FAT1: variants seen among roughly 807,000 people sequenced by gnomAD.
FAT1 encodes the protein protocadherin Fat 1.
FAT1 carries 171 observed loss-of-function variants against 329.8 expected under a neutral mutation model. The ratio of observed to expected loss-of-function variants is 0.52; its 90% CI spans 0.46 to 0.59. The LOEUF (loss-of-function observed/expected upper bound fraction) is 0.59. FAT1 is among the 20% of genes least tolerant of loss of function. The pLI is 0.00. For synonymous variants in FAT1, 2,233 were observed against 2,228.6 expected (o/e 1.00, Z -0.06); for missense variants, 5,672 against 5,774.4 (o/e 0.98, Z 0.57).
intron 2 of FAT1, among the ~76,000 whole-genome samples, chr4:186,694,877 G>A (rs900114728): frequency 1.3e-5 from 2 of 152,164 alleles, no homozygotes; most frequent in African/African-American, 4.8e-5. Flanking sequence ...CAGAAGAATC[G>A]CTTGAACCCA....
intron 16 of FAT1, among the ~76,000 whole-genome samples, chr4:186,607,178 A>G (rs990339878): frequency 2.6e-5 from 4 of 152,196 alleles, no homozygotes; most frequent in African/African-American, 9.7e-5. Context: ...TTAATCTTAG[A>G]TACACCCATT....
chr4:186,597,558 G>A (rs1214608713), intron 24 of FAT1, 124 bp downstream of exon 24: 22 of 667,810 alleles, frequency 3.3e-5, no homozygotes, highest in Middle Eastern at 5.0e-4. Context: ...TATATAAGGG[G>A]CCAATATGAG....
intron 2 of FAT1, among the ~76,000 whole-genome samples, chr4:186,689,983 T>C (rs1303487891): frequency 6.6e-6 from 1 of 152,202 alleles, no homozygotes; most frequent in Admixed American, 6.5e-5. Flanking sequence ...GTAACTTTCC[T>C]ATCATTTTTT....
At chr4:186,604,598 T>C (rs372208908) in intron 17 of FAT1, 24 bp from the exon 18 acceptor site, 41 of 1,553,942 alleles carry the variant, frequency 2.6e-5, no homozygotes, top group Middle Eastern at 1.8e-4. Context: ...GAAACAAAAT[T>C]AAACAAAAAT....
At chr4:186,662,640 A>G (rs1742233419) in intron 3 of FAT1, among the ~76,000 whole-genome samples, 2 of 152,190 alleles carry the variant, frequency 1.3e-5, no homozygotes, top group African/African-American at 4.8e-5. Flanking sequence ...AATACTCTTT[A>G]CAAAAAGCCG....
At chr4:186,594,353 G>A (rs777491383) in intron 26 of FAT1, among the ~76,000 whole-genome samples, 135 of 151,942 alleles carry the variant, frequency 8.9e-4, no homozygotes, top group Non-Finnish European at 1.4e-3. Context: ...GAGCCACTGC[G>A]CCCGGCCACC....
chr4:186,637,954 C>T (rs1271634500), intron 4 of FAT1, among the ~76,000 whole-genome samples: 1 of 152,226 alleles, frequency 6.6e-6, no homozygotes, highest in Non-Finnish European at 1.5e-5. Flanking sequence ...ACTCTCGAAA[C>T]ATTTCCTTTT....
chr4:186,686,970 A>G (rs1394958500), intron 2 of FAT1, among the ~76,000 whole-genome samples: 1 of 152,236 alleles, frequency 6.6e-6, no homozygotes, highest in Non-Finnish European at 1.5e-5. Flanking sequence ...TGATTTTACG[A>G]AGTAGCATCT....
At chr4:186,698,098 T>TA (rs1337193364) in intron 2 of FAT1, among the ~76,000 whole-genome samples, 1 of 152,194 alleles carries the variant, frequency 6.6e-6, no homozygotes, top group African/African-American at 2.4e-5. Context: ...TACTGTGTGT[T>TA]ACAATCTATT....
intron 3 of FAT1, among the ~76,000 whole-genome samples, chr4:186,647,635 C>G (rs953958970): frequency 7.2e-5 from 11 of 152,156 alleles, no homozygotes; most frequent in Non-Finnish European, 1.5e-4. Flanking sequence ...TTGTATTAAT[C>G]ATAGCATTAT....
At position 186,596,658 on chromosome 4, in the gene FAT1, C is replaced by A. The variant is rs762456980; in HGVS notation, c.12882G>T (p.Gly4294=). The A allele has an allele frequency of 1.2e-6, 2 of 1,611,512 alleles. No individual in the cohort carries two copies. Among genetic ancestry groups the A allele is most frequent in the South Asian group, 2.2e-5 (2 of 90,656 alleles). ...TGCAGACCGCCACTGCTTTTCGGTG[C>A]CCGTGCACAGACTCGGGGTTAAAAG... ...FSTFNPESVH[G]HRKAVAVCSV... is the part of the protein sequence containing the mutation. Residue 4294 remains glycine (G), a synonymous_variant, in exon 25 of 27, where the codon GGG becomes GGT. Coordinates refer to ENST00000441802, the MANE Select transcript of FAT1 (RefSeq NM_005245.4). The surrounding 1 kb of genome is among the most constrained non-coding windows in gnomAD (Gnocchi z 4.7).
intron 26 of FAT1, among the ~76,000 whole-genome samples, chr4:186,594,910 T>C (rs1335301408): frequency 6.6e-6 from 1 of 151,848 alleles, no homozygotes; most frequent in African/African-American, 2.4e-5. Flanking sequence ...ATAAACGTAT[T>C]ACGTTTATAC....
chr4:186,695,760 AACACACACACAC>A lies in FAT1; in HGVS notation c.3265+10791_3265+10802del, dbSNP rs34932295. Among the ~76,000 whole-genome samples the A allele has an allele frequency of 9.9e-4, 140 of 141,338 alleles. 1 individual carries two copies. Among genetic ancestry groups the A allele is most frequent in the African/African-American group, 3.3e-3 (123 of 37,762 alleles). The allele number at this position is 141,338 out of a possible 152,430, so 92.7% of individuals were successfully genotyped here. The stretch of plus-strand genomic sequence containing the variant: ...AATTTTTAATATGTATTATATATAA[AACACACACACAC>A]ACACACACACACACACACACACACA... On this transcript the variant is annotated intron_variant, in intron 2 of 26. Transcript: ENST00000441802.
At position 186,595,622 on chromosome 4, in the gene FAT1, A is replaced by G. The variant is rs143315416; in HGVS notation, c.13138+67T>C. ...CTTTAAGGGTAGATAGTGCGTCTAC[A>G]TTGTGAGATAACACAGTAACACAAC... On this transcript the variant is annotated intron_variant, in intron 26 of 26. Coordinates refer to ENST00000441802, the MANE Select transcript of FAT1 (RefSeq NM_005245.4). 0.017 allele frequency: 26,384 copies of G among 1,579,914 alleles called. 264 individuals are homozygous for G. The highest frequency in any genetic ancestry group is 0.019 in the Non-Finnish European group (21,976 of 1,154,346).
intron 3 of FAT1, among the ~76,000 whole-genome samples, chr4:186,654,952 G>A (rs537222950): frequency 1.9e-4 from 29 of 151,766 alleles, no homozygotes; most frequent in African/African-American, 6.8e-4. Flanking sequence ...TCTACAGGAT[G>A]GAGGAAGGAA....
intron 10 of FAT1, among the ~76,000 whole-genome samples, chr4:186,617,446 T>C (rs751174842): frequency 6.6e-6 from 1 of 152,334 alleles, no homozygotes; most frequent in East Asian, 1.9e-4. Context: ...TGTTTTTAAT[T>C]ATATTTATTA....
At chr4:186,680,474 C>G (rs2126644124) in intron 2 of FAT1, among the ~76,000 whole-genome samples, 1 of 152,262 alleles carries the variant, frequency 6.6e-6, no homozygotes, top group African/African-American at 2.4e-5. Flanking sequence ...TCTTCAGGCA[C>G]CACTCCTCCC....
At chr4:186,654,236 T>C (rs1443880418) in intron 3 of FAT1, among the ~76,000 whole-genome samples, 1 of 152,192 alleles carries the variant, frequency 6.6e-6, no homozygotes, top group Non-Finnish European at 1.5e-5. Context: ...GTATCTGTAG[T>C]CACCATCTCA....
At chr4:186,617,490 C>T (rs1429978165) in intron 10 of FAT1, among the ~76,000 whole-genome samples, 2 of 152,086 alleles carry the variant, frequency 1.3e-5, no homozygotes, top group African/African-American at 4.8e-5. Flanking sequence ...GAATGAGTCA[C>T]AAAAATCAAA....
Sources: allele counts gnomAD v4.1 joint callset (sites outside exome capture counted in the v4.1 genomes callset), GRCh38; gene constraint gnomAD v4.1.1; non-coding constraint Gnocchi (gnomAD v3.1); transcripts MANE v1.5; gene names NCBI Gene and HGNC (gene_info 2026-07-23, HGNC 2026-07-21).